GRM5: variants seen among roughly 807,000 people sequenced by gnomAD.
The protein encoded by GRM5 is glutamate metabotropic receptor 5, also known as metabotropic glutamate receptor 5.
A neutral mutation model predicts 83.1 loss-of-function variants in GRM5; 19 were observed. That is an observed-to-expected ratio of 0.23 (90% confidence interval 0.16 to 0.34). The LOEUF is 0.34. Among genes scored for constraint, GRM5 ranks in the 10% least tolerant of loss-of-function variants. GRM5 has a pLI of 1.00. For missense variants in GRM5, 1,160 were observed against 1,588.3 expected (o/e 0.73, Z 4.58); for synonymous variants, 675 against 633.6 (o/e 1.07, Z -0.98).
chr11:89,019,498 C>T (rs1248352311), intron 2 of GRM5, among the ~76,000 whole-genome samples: 3 of 150,966 alleles, frequency 2.0e-5, no homozygotes, highest in African/African-American at 7.3e-5. Flanking sequence ...AGTTCAAGAC[C>T]AGCCTGACCA....
At chr11:88,944,079 C>T (rs1243554876) in intron 2 of GRM5, among the ~76,000 whole-genome samples, 2 of 152,020 alleles carry the variant, frequency 1.3e-5, no homozygotes, top group East Asian at 1.9e-4. Flanking sequence ...TGCATTTGAG[C>T]TGCATCTTGA....
intron 2 of GRM5, among the ~76,000 whole-genome samples, chr11:89,008,094 T>C (rs1376686897): frequency 6.6e-6 from 1 of 152,186 alleles, no homozygotes; most frequent in African/African-American, 2.4e-5. Context: ...ATATGTTTTT[T>C]TTCTGAGTCT....
At chr11:88,529,696 A>C (rs576634733) in intron 8 of GRM5, among the ~76,000 whole-genome samples, 2 of 152,014 alleles carry the variant, frequency 1.3e-5, no homozygotes, top group East Asian at 3.8e-4. Flanking sequence ...ATACTACTAC[A>C]GTTATGCATG....
chr11:88,798,414 C>T (rs1029363428), intron 3 of GRM5, among the ~76,000 whole-genome samples: 7 of 152,044 alleles, frequency 4.6e-5, no homozygotes, highest in African/African-American at 1.7e-4. Flanking sequence ...CAGTATATTA[C>T]ACAGAAAACA....
At chr11:88,842,712 A>G (rs192519718) in intron 3 of GRM5, among the ~76,000 whole-genome samples, 109 of 152,160 alleles carry the variant, frequency 7.2e-4, no homozygotes, top group Middle Eastern at 3.4e-3. Flanking sequence ...TTCAACCTAA[A>G]TGCTGAGGTC....
intron 2 of GRM5, among the ~76,000 whole-genome samples, chr11:88,901,276 T>C (rs180741912): frequency 7.4e-4 from 112 of 152,262 alleles, no homozygotes; most frequent in African/African-American, 2.6e-3. Flanking sequence ...TGATTGACTT[T>C]GATGTTGTTA....
chr11:88,741,693 CAT>C, intron 3 of GRM5, among the ~76,000 whole-genome samples: 1 of 151,624 alleles, frequency 6.6e-6, no homozygotes. Flanking sequence ...ATATGCAAGA[CAT>C]AATCTATACT....
At chr11:88,701,703 G>T (rs572539745) in intron 3 of GRM5, among the ~76,000 whole-genome samples, 12 of 152,078 alleles carry the variant, frequency 7.9e-5, no homozygotes, top group African/African-American at 2.9e-4. Flanking sequence ...GGCCCAAAAA[G>T]GTAGAACATC....
chr11:88,539,664 T>A (rs1942218148), intron 8 of GRM5, among the ~76,000 whole-genome samples: 1 of 152,218 alleles, frequency 6.6e-6, no homozygotes, highest in African/African-American at 2.4e-5. Context: ...ATATAATCTC[T>A]ATTAATTCTT....
chr11:88,976,361 C>T (rs577173386), intron 2 of GRM5, among the ~76,000 whole-genome samples: 10 of 152,152 alleles, frequency 6.6e-5, no homozygotes, highest in South Asian at 4.1e-4. Flanking sequence ...GTGAATCTTG[C>T]GAATCTACCA....
intron 3 of GRM5, among the ~76,000 whole-genome samples, chr11:88,849,046 A>C (rs1037785860): frequency 6.6e-6 from 1 of 152,162 alleles, no homozygotes; most frequent in African/African-American, 2.4e-5. Flanking sequence ...ATCAACTTTC[A>C]TAGTTCTAAG....
chr11:88,969,840 A>G (rs1281019522), intron 2 of GRM5, among the ~76,000 whole-genome samples: 1 of 152,154 alleles, frequency 6.6e-6, no homozygotes, highest in Non-Finnish European at 1.5e-5. Context: ...TTATATTTCC[A>G]TGACTGTCTT....
chr11:88,937,445 A>C (rs1163155277), intron 2 of GRM5, among the ~76,000 whole-genome samples: 1 of 151,740 alleles, frequency 6.6e-6, no homozygotes, highest in Non-Finnish European at 1.5e-5. Flanking sequence ...ATGACAACAC[A>C]GCCTTCATCC....
chr11:88,506,001 A>G lies in GRM5; in HGVS notation c.*2591T>C, dbSNP rs1941174581. 6.6e-6 allele frequency: 1 copy of G among 152,210 alleles called. No individual in the cohort carries two copies. Among genetic ancestry groups the G allele is most frequent in the Non-Finnish European group, 1.5e-5 (1 of 68,016 alleles). 9.4% of individuals were successfully genotyped at this position (152,210 alleles called of 1,614,324 possible). A position where few individuals can be genotyped will look rare whatever the true frequency, so the allele number is the denominator to read the frequency against. On this transcript the variant is annotated 3_prime_UTR_variant, in exon 10 of 10. Transcript: ENST00000305447. ...TCATTCCAAAATAAAAGATCTCAAG[A>G]ATGCATTACTAATAATCTTATGTCC...
chr11:89,001,462 T>G (rs1277239642), intron 2 of GRM5, among the ~76,000 whole-genome samples: 1 of 152,112 alleles, frequency 6.6e-6, no homozygotes, highest in Non-Finnish European at 1.5e-5. Flanking sequence ...GAAAGTCATA[T>G]TTGTATAGTT....
chr11:88,563,623 T>G (rs1388763967), intron 8 of GRM5, among the ~76,000 whole-genome samples: 2 of 152,096 alleles, frequency 1.3e-5, no homozygotes, highest in Non-Finnish European at 2.9e-5. Context: ...AAGACCTACA[T>G]CCAGAGACTT....
rs1942091529 is a variant in GRM5 at position 89,065,979 on chromosome 11, A to G, written c.-404T>C. 1.3e-5 allele frequency: 2 copies of G among 152,180 alleles called. No homozygotes were observed. Among genetic ancestry groups the G allele is most frequent in the South Asian group, 4.1e-4 (2 of 4,826 alleles). 9.4% of individuals were successfully genotyped at this position (152,180 alleles called of 1,614,324 possible). On this transcript the variant is annotated 5_prime_UTR_variant, in exon 1 of 10. Transcript: ENST00000305447. ...GGGAGCACGTGCCGCGCTCGGGCAG[A>G]CGCAGCTGGAAGCGCAGCGCAGGGC...
chr11:88,615,649 TAA>T (rs58256186), intron 4 of GRM5, among the ~76,000 whole-genome samples: 23,034 of 119,566 alleles, frequency 0.19, 1,805 homozygotes, highest in Middle Eastern at 0.23. Context: ...ATTAAGAAAC[TAA>T]AAAAAAAAAA....
At chr11:88,715,548 C>T (rs1941382455) in intron 3 of GRM5, among the ~76,000 whole-genome samples, 1 of 151,982 alleles carries the variant, frequency 6.6e-6, no homozygotes, top group Admixed American at 6.6e-5. Flanking sequence ...ATCCTCCCCT[C>T]CTGATCAGTA....
Sources: allele counts gnomAD v4.1 joint callset (sites outside exome capture counted in the v4.1 genomes callset), GRCh38; gene constraint gnomAD v4.1.1; transcripts MANE v1.5; gene names NCBI Gene and HGNC (gene_info 2026-07-23, HGNC 2026-07-21).